The following BCL9 variants were observed in gnomAD, a reference collection of about 807,000 sequenced individuals.
BCL9 encodes the protein B-cell CLL/lymphoma 9 protein.
In BCL9, 25 loss-of-function variants were observed where a neutral mutation model predicts 88.5. That is an observed-to-expected ratio of 0.28 (90% CI 0.21 to 0.39). The LOEUF is 0.39. Among genes scored for constraint, BCL9 ranks in the 10% least tolerant of loss-of-function variants. The probability of loss-of-function intolerance (pLI) is 1.00; values close to 1 mark genes in which losing one functional copy is unlikely to be tolerated. For missense variants in BCL9, 1,817 were observed against 1,877.8 expected, an observed-to-expected ratio of 0.97 and a Z score of 0.60; for synonymous variants, 711 against 673.3, an observed-to-expected ratio of 1.06 and a Z score of -0.87.
intron 1 of BCL9, among the ~76,000 whole-genome samples, chr1:147,592,021 C>G (rs1317744930): frequency 6.6e-6 from 1 of 152,214 alleles, no homozygotes; most frequent in Non-Finnish European, 1.5e-5. Flanking sequence ...TAGGTGCTTA[C>G]TAATGCTTGA....
At chr1:147,543,614 G>T (rs1654428575) in intron 1 of BCL9, among the ~76,000 whole-genome samples, 1 of 152,166 alleles carries the variant, frequency 6.6e-6, no homozygotes, top group African/African-American at 2.4e-5. Context: ...ATCTTACCAT[G>T]GTTGTTCCTG....
chr1:147,622,529 C>T lies in BCL9; in HGVS notation c.3161C>T (p.Pro1054Leu). The T allele has an allele frequency of 6.2e-7, 1 of 1,614,062 alleles. No individual in the cohort carries two copies. The highest frequency in any genetic ancestry group is 8.5e-7 in the Non-Finnish European group (1 of 1,179,944). ...AACTTGCCATCAATGAATAATATGC[C>T]AGGTAAGAAATCAGAAAGGCAGGTT... ...SPNLPSMNNM[P>L]GMGINTQNPR... is the part of the protein sequence containing the mutation. Residue 1054 changes from proline (P) to leucine (L), a missense_variant and splice_region_variant, in exon 9 of 10, where the codon CCA (proline) becomes CTA (leucine). Coordinates refer to ENST00000234739, the MANE Select transcript of BCL9 (RefSeq NM_004326.4).
intron 1 of BCL9, among the ~76,000 whole-genome samples, chr1:147,600,753 G>A (rs1553201152): frequency 6.9e-6 from 1 of 145,482 alleles, no homozygotes; most frequent in African/African-American, 2.6e-5. Context: ...ATGGATAGAG[G>A]TAAAGGGGAC....
Position 147,624,283 on chromosome 1 carries a change from A to T in BCL9, c.3605A>T (p.Asp1202Val). Residue 1202 changes from aspartate to valine, a missense_variant, in exon 10 of 10, where the codon GAC becomes GTC. Asp to Val is a radical substitution (Grantham distance 152, BLOSUM62 -3). Coordinates refer to ENST00000234739, the MANE Select transcript of BCL9 (RefSeq NM_004326.4). This position sits in a 1 kb window ranked among gnomAD's most constrained non-coding sequence, Gnocchi z 4.4. Reference protein sequence around the residue: ...LCKPGGPGGPDSFTVLGNSMP... With the variant: ...LCKPGGPGGPVSFTVLGNSMP... ...AAGCCTGGAGGCCCCGGGGGTCCTG[A>T]CTCCTTCACTGTCCTGGGGAACAGC... The T allele has an allele frequency of 6.2e-7, 1 of 1,612,998 alleles. No individual in the cohort carries two copies.
chr1:147,611,782 A>G lies in BCL9; in HGVS notation c.-55A>G. The G allele has an allele frequency of 6.4e-7, 1 of 1,574,734 alleles. No individual in the cohort carries two copies. Among genetic ancestry groups the G allele is most frequent in the Non-Finnish European group, 8.7e-7 (1 of 1,144,398 alleles). ...CAGCAGCTGTTTCTGCTGCAACCCG[A>G]GAGGAACTCGGTGAGCCTGTCCCGT... On this transcript the variant is annotated 5_prime_UTR_variant, in exon 4 of 10. Transcript: ENST00000234739.
chr1:147,577,469 T>C (rs1656161887), intron 1 of BCL9, among the ~76,000 whole-genome samples: 2 of 152,198 alleles, frequency 1.3e-5, no homozygotes, highest in African/African-American at 4.8e-5. Context: ...TCTTCTGGAA[T>C]GTGTCTTTGG....
chr1:147,546,662 A>G (rs1654608876), intron 1 of BCL9, among the ~76,000 whole-genome samples: 1 of 152,226 alleles, frequency 6.6e-6, no homozygotes, highest in African/African-American at 2.4e-5. Flanking sequence ...GTCACCTTAT[A>G]TGAAGCCCAA....
intron 1 of BCL9, among the ~76,000 whole-genome samples, chr1:147,598,225 A>T (rs1049969561): frequency 6.6e-6 from 1 of 152,204 alleles, no homozygotes; most frequent in African/African-American, 2.4e-5. Flanking sequence ...ATGTTACATC[A>T]AATATTCTAT....
chr1:147,620,856 G>A lies in BCL9; in HGVS notation c.2701G>A (p.Ala901Thr), dbSNP rs782262583. ...GGCAGGCATGCTGGCGGGCCCAGCT[G>A]CTGCTGCTTCCATTAAGTCCCCCCC... ...QLAGMLAGPA[A>T]AASIKSPPVL... is the part of the protein sequence containing the mutation. The change falls in exon 8 of 10, where the codon GCT becomes ACT. Residue 901 changes from alanine (A) to threonine (T), a missense_variant. Coordinates refer to ENST00000234739, the MANE Select transcript of BCL9 (RefSeq NM_004326.4). 2.5e-6 allele frequency: 4 copies of A among 1,614,162 alleles called. No homozygotes were observed. In the Admixed American group the frequency reaches 6.7e-5, roughly 27 times the overall value.
intron 6 of BCL9, among the ~76,000 whole-genome samples, chr1:147,614,878 C>A (rs1196960531): frequency 7.1e-5 from 10 of 141,594 alleles, no homozygotes; most frequent in African/African-American, 2.7e-4. Context: ...CTGTCTCTGT[C>A]GCCTAGGCTG....
At chr1:147,560,247 G>T (rs1271474377) in intron 1 of BCL9, among the ~76,000 whole-genome samples, 9 of 152,050 alleles carry the variant, frequency 5.9e-5, no homozygotes, top group Non-Finnish European at 1.5e-5. Flanking sequence ...ACTGATCTTT[G>T]GTGGATTCCT....
chr1:147,565,698 T>C (rs1247699357), intron 1 of BCL9, among the ~76,000 whole-genome samples: 2 of 152,312 alleles, frequency 1.3e-5, no homozygotes, highest in South Asian at 2.1e-4. Flanking sequence ...TTATGAAATA[T>C]TGGATCTTTA....
chr1:147,569,781 T>C (rs74908659), intron 1 of BCL9, among the ~76,000 whole-genome samples: 1,906 of 152,292 alleles, frequency 0.013, 44 homozygotes, highest in African/African-American at 0.044. Flanking sequence ...TCAGGGCCGA[T>C]GGCAGTGAGA....
chr1:147,582,159 T>C (rs1285596970), intron 1 of BCL9, among the ~76,000 whole-genome samples: 6 of 152,272 alleles, frequency 3.9e-5, no homozygotes, highest in African/African-American at 1.2e-4. Context: ...TGTATCTTAC[T>C]GTTTCATATA....
chr1:147,580,538 G>A (rs1451413942), intron 1 of BCL9, among the ~76,000 whole-genome samples: 6 of 152,152 alleles, frequency 3.9e-5, no homozygotes, highest in Non-Finnish European at 8.8e-5. Context: ...GTGGTTTGTG[G>A]TCTTAAAGAG....
chr1:147,575,644 TAGAG>T (rs1553197986), intron 1 of BCL9, among the ~76,000 whole-genome samples: 1 of 152,178 alleles, frequency 6.6e-6, no homozygotes, highest in Non-Finnish European at 1.5e-5. Flanking sequence ...GATAGGGGAA[TAGAG>T]ATTTTCTTTC....
At chr1:147,615,261 T>C (rs1194757189) in intron 6 of BCL9, among the ~76,000 whole-genome samples, 1 of 152,228 alleles carries the variant, frequency 6.6e-6, no homozygotes, top group African/African-American at 2.4e-5. Context: ...AATTAGAAAG[T>C]ATAACTAAAA....
rs587757998 is a variant in BCL9 at position 147,625,940 on chromosome 1, A to G, written c.*981A>G. 1.3e-5 allele frequency: 3 copies of G among 232,512 alleles called. No homozygotes were observed. The East Asian group carries it at 1.8e-4, about 14-fold the overall frequency. 14.4% of individuals were successfully genotyped at this position (232,512 alleles called of 1,614,324 possible). A position where few individuals can be genotyped will look rare whatever the true frequency, so the allele number is the denominator to read the frequency against. ...ATGCTCTCTGGTCTTTTTTCCCCCT[A>G]AGTCTTTCTCTTTCCCATCATACCC... On this transcript the variant is annotated 3_prime_UTR_variant, in exon 10 of 10. Transcript: ENST00000234739.
In BCL9 at chr1:147,624,694, C is replaced by A. The variant is rs782325890; in HGVS notation, c.4016C>A (p.Ser1339Tyr). The change falls in exon 10 of 10, where the codon TCT becomes TAT. Residue 1339 changes from serine to tyrosine, a missense_variant. This residue lies in a region of BCL9 where 589 missense variants were observed against 686.2 expected (regional missense o/e 0.86). Transcript: ENST00000234739. This position sits in a 1 kb window ranked among gnomAD's most constrained non-coding sequence, Gnocchi z 4.4. ...CATCGGATGATGTCACCAGCACAAT[C>A]TACAATGCCCGGCCAGCCCACCCTG... The part of the protein sequence containing the change: ...PHHRMMSPAQ[S>Y]TMPGQPTLMS... 3 of 1,614,190 alleles carry A rather than the reference C, an allele frequency of 1.9e-6. No individual in the cohort carries two copies. The Admixed American group carries it at 5.0e-5, about 27-fold the overall frequency.
Sources: allele counts gnomAD v4.1 joint callset (sites outside exome capture counted in the v4.1 genomes callset), GRCh38; gene constraint gnomAD v4.1.1; regional missense constraint gnomAD v4.1.1; non-coding constraint Gnocchi (gnomAD v3.1); transcripts MANE v1.5; gene names NCBI Gene and HGNC (gene_info 2026-07-23, HGNC 2026-07-21).